GUCY2F: variants seen among roughly 807,000 people sequenced by gnomAD.
GUCY2F encodes the protein retinal guanylyl cyclase 2.
In GUCY2F, 61 loss-of-function variants were observed where a neutral mutation model predicts 73.1. The observed-to-expected ratio is 0.83, with a 90% CI of 0.68 to 1.03. The LOEUF (loss-of-function observed/expected upper bound fraction) is 1.03. Ranked by LOEUF, GUCY2F falls within the 50% of genes least tolerant of loss-of-function variation. GUCY2F has a pLI of 0.00. For missense variants in GUCY2F, 912 were observed against 854.3 expected, an observed-to-expected ratio of 1.07 and a Z score of -0.84; for synonymous variants, 331 against 307.8, an observed-to-expected ratio of 1.08 and a Z score of -0.79.
chrX:109,477,524 T>G (rs1434331165), intron 1 of GUCY2F, among the ~76,000 whole-genome samples: 1 of 112,103 alleles, frequency 8.9e-6, no homozygotes, highest in African/African-American at 3.2e-5. Flanking sequence ...TAAATTTGAG[T>G]GTAATCAATT....
intron 8 of GUCY2F, among the ~76,000 whole-genome samples, chrX:109,421,500 C>T (rs1380760685): frequency 9.0e-6 from 1 of 111,456 alleles, no homozygotes; most frequent in Admixed American, 9.5e-5. Context: ...AACACAAATA[C>T]TATATGATTA....
chrX:109,457,500 C>A (rs1487843966), intron 3 of GUCY2F, among the ~76,000 whole-genome samples: 3 of 112,009 alleles, frequency 2.7e-5, no homozygotes, highest in African/African-American at 9.7e-5. Context: ...GGCAGTACCT[C>A]CAATAATGCA....
intron 12 of GUCY2F, 108 bp from the exon 13 acceptor site, chrX:109,393,163 G>A: frequency 2.0e-6 from 1 of 491,302 alleles, no homozygotes. Context: ...TGCCAGGGCA[G>A]GAAAGGTGAA....
intron 5 of GUCY2F, among the ~76,000 whole-genome samples, chrX:109,450,233 A>G (rs1350138691): frequency 9.0e-6 from 1 of 111,313 alleles, no homozygotes; most frequent in African/African-American, 3.3e-5. Flanking sequence ...TCCCTCTCCA[A>G]TAATTTTCCT....
At chrX:109,436,796 G>C (rs941407918) in intron 7 of GUCY2F, among the ~76,000 whole-genome samples, 2 of 107,677 alleles carry the variant, frequency 1.9e-5, no homozygotes, top group African/African-American at 6.8e-5. Flanking sequence ...GGGGTGGGGG[G>C]AGTGGGGAGG....
chrX:109,475,530 G>A lies in GUCY2F; in HGVS notation c.407C>T (p.Ser136Leu), dbSNP rs1053471613. ...PTNPGYCEAA[S>L]LLGNSWDKGI... The stretch of plus-strand genomic sequence containing the variant: ...TTTGTCCCAGCTGTTTCCCAGGAGC[G>A]AGGCTGCCTCGCAGTAGCCAGGGTT... Residue 136 changes from serine (S) to leucine (L), a missense_variant, in exon 2 of 20, where the codon TCG becomes TTG. Physicochemically the swap from Ser to Leu is moderately radical, Grantham distance 145. Coordinates refer to ENST00000218006, the MANE Select transcript of GUCY2F (RefSeq NM_001522.3). 7.4e-6 allele frequency: 9 copies of A among 1,208,545 alleles called. No homozygotes were observed. Among genetic ancestry groups the A allele is most frequent in the South Asian group, 3.5e-5 (2 of 56,732 alleles).
At chrX:109,375,067 C>T (rs1603378036) in intron 19 of GUCY2F, among the ~76,000 whole-genome samples, 2 of 108,968 alleles carry the variant, frequency 1.8e-5, no homozygotes, top group African/African-American at 6.7e-5. Context: ...GTGGAGATGC[C>T]TTAATGTTTA....
rs2147247801 is a variant in GUCY2F at position 109,375,569 on chromosome X, G to A, written c.*1+329C>T. 1.8e-5 allele frequency among the ~76,000 whole-genome samples: 2 copies of A among 112,159 alleles called. 1 individual carries two copies. Among genetic ancestry groups the A allele is most frequent in the South Asian group, 7.6e-4 (2 of 2,638 alleles). On this transcript the variant is annotated intron_variant, in intron 19 of 19. Transcript: ENST00000218006. ...AAGATCTGATGTGGCTCACCATGTG[G>A]CCCAGGTGCTCAACAATAAAAGAGA...
intron 2 of GUCY2F, among the ~76,000 whole-genome samples, chrX:109,467,487 G>A (rs913982854): frequency 7.1e-5 from 8 of 112,697 alleles, no homozygotes; most frequent in Non-Finnish European, 7.5e-5. Context: ...TGACTTTACT[G>A]CATGGAAAAT....
intron 8 of GUCY2F, among the ~76,000 whole-genome samples, chrX:109,416,492 C>T (rs1931244411): frequency 1.3e-5 from 1 of 77,546 alleles, no homozygotes; most frequent in South Asian, 8.3e-4. Context: ...AATACCCAGT[C>T]TGAAAAACAG....
At chrX:109,413,785 C>T (rs1931171110) in intron 8 of GUCY2F, among the ~76,000 whole-genome samples, 1 of 111,230 alleles carries the variant, frequency 9.0e-6, no homozygotes, top group Admixed American at 9.5e-5. Context: ...CCTAGGATGT[C>T]ATAACACCAG....
chrX:109,388,455 T>C, intron 15 of GUCY2F, 34 bp downstream of exon 15: 1 of 1,086,524 alleles, frequency 9.2e-7, no homozygotes, highest in Non-Finnish European at 1.3e-6. Flanking sequence ...AGAGGCGCAT[T>C]AGAATGTTTC....
chrX:109,434,223 C>T (rs1334121840), intron 7 of GUCY2F, among the ~76,000 whole-genome samples: 1 of 110,125 alleles, frequency 9.1e-6, no homozygotes, highest in Non-Finnish European at 1.9e-5. Context: ...TACACTGCTG[C>T]CCACCACACC....
At chrX:109,474,425 C>A (rs1334193998) in intron 2 of GUCY2F, among the ~76,000 whole-genome samples, 2 of 111,497 alleles carry the variant, frequency 1.8e-5, no homozygotes, top group Non-Finnish European at 3.8e-5. Context: ...TAAAAGAGAT[C>A]TGATTCAAGA....
rs747740853 is a variant in GUCY2F at position 109,393,083 on chromosome X, G to C, written c.2425-28C>G. On this transcript the variant is annotated intron_variant, in intron 12 of 19. Coordinates refer to ENST00000218006, the MANE Select transcript of GUCY2F (RefSeq NM_001522.3). ...GGAAGTAAAATAGAAAAGGGAACCA[G>C]AAAATGCTTACTCATCAAACTCAGA... 1.7e-5 allele frequency: 15 copies of C among 857,647 alleles called. No homozygotes were observed. The African/African-American group carries it at 2.2e-4, about 13-fold the overall frequency. 70.7% of individuals were successfully genotyped at this position (857,647 alleles called of 1,213,427 possible).
At chrX:109,424,190 A>G (rs1336994259) in intron 8 of GUCY2F, among the ~76,000 whole-genome samples, 2 of 112,196 alleles carry the variant, frequency 1.8e-5, no homozygotes, top group African/African-American at 6.5e-5. Context: ...ACAAGAAGAA[A>G]CAGAAAGTTT....
intron 8 of GUCY2F, among the ~76,000 whole-genome samples, chrX:109,423,684 TG>T (rs1377879601): frequency 9.6e-6 from 1 of 104,249 alleles, no homozygotes; most frequent in Non-Finnish European, 2.0e-5. Flanking sequence ...CCCAAAGTGC[TG>T]GGATTACAAA....
chrX:109,435,389 A>T (rs1306018364), intron 7 of GUCY2F, among the ~76,000 whole-genome samples: 8 of 105,834 alleles, frequency 7.6e-5, no homozygotes, highest in African/African-American at 2.8e-4. Context: ...CTTTGAAGCA[A>T]TTGTGAATGG....
At chrX:109,399,452 G>A (rs1930787858) in intron 10 of GUCY2F, among the ~76,000 whole-genome samples, 1 of 112,558 alleles carries the variant, frequency 8.9e-6, no homozygotes, top group Non-Finnish European at 1.9e-5. Flanking sequence ...CTGCATTTCA[G>A]GCCCCGTCAG....
Sources: gnomAD v4.1 joint callset for allele counts (sites outside exome capture counted in the v4.1 genomes callset) on GRCh38, gnomAD v4.1.1 for gene constraint, MANE v1.5 for transcripts, NCBI Gene and HGNC (gene_info 2026-07-23, HGNC 2026-07-21) for gene names.